Variants in RAB28 observed in about 807,000 individuals in gnomAD.
The protein encoded by RAB28 is ras-related protein Rab-28.
In RAB28, 24 loss-of-function variants were observed where a neutral mutation model predicts 31.7. The observed-to-expected ratio is 0.76, with a 90% CI of 0.55 to 1.06. The LOEUF is 1.06. Ranked by LOEUF, RAB28 falls within the 50% of genes least tolerant of loss-of-function variation. The probability of loss-of-function intolerance (pLI) is 0.00; values close to 1 mark genes in which losing one functional copy is unlikely to be tolerated. For missense variants in RAB28, 254 were observed against 258.5 expected, an observed-to-expected ratio of 0.98 and a Z score of 0.12; for synonymous variants, 100 against 90.4, an observed-to-expected ratio of 1.11 and a Z score of -0.60.
chr4:13,381,705 A>C (rs1408004380), intron 4 of RAB28, 111 bp from the exon 5 acceptor site: 2 of 719,134 alleles, frequency 2.8e-6, no homozygotes, highest in African/African-American at 3.6e-5. Context: ...CTTCGACATC[A>C]GCTGTGCAAC....
chr4:13,413,489 G>A (rs1031863211), intron 4 of RAB28, among the ~76,000 whole-genome samples: 1 of 152,096 alleles, frequency 6.6e-6, no homozygotes, highest in Non-Finnish European at 1.5e-5. Context: ...TTTGTAAAAA[G>A]AAGACTACTC....
intron 4 of RAB28, among the ~76,000 whole-genome samples, chr4:13,456,290 G>A (rs980566743): frequency 4.6e-5 from 7 of 152,192 alleles, no homozygotes; most frequent in African/African-American, 1.7e-4. Flanking sequence ...CTCCAGGAAA[G>A]TTTCACAGAA....
chr4:13,444,077 G>C (rs1053509863), intron 4 of RAB28, among the ~76,000 whole-genome samples: 8 of 151,008 alleles, frequency 5.3e-5, no homozygotes, highest in Non-Finnish European at 1.2e-4. Context: ...ACCCAGGCTG[G>C]AGTGCAGTGG....
At chr4:13,383,118 A>C (rs1729206463) in intron 4 of RAB28, among the ~76,000 whole-genome samples, 1 of 152,158 alleles carries the variant, frequency 6.6e-6, no homozygotes, top group Non-Finnish European at 1.5e-5. Flanking sequence ...ACAGGCATCA[A>C]TTTGTGGAAG....
In RAB28 at chr4:13,411,059, T is replaced by C. The variant is rs191907596; in HGVS notation, c.392-29465A>G. On this transcript the variant is annotated intron_variant, in intron 4 of 6. Coordinates refer to ENST00000330852, the MANE Select transcript of RAB28 (RefSeq NM_001017979.3). The stretch of plus-strand genomic sequence containing the variant: ...AACAACATGATAAATTTCCCAATAC[T>C]CCAAAGAAACAGAGAAAAAAATCCT... Among the ~76,000 whole-genome samples the C allele has an allele frequency of 2.2e-3, 341 of 151,788 alleles. 1 individual carries two copies. The highest frequency in any genetic ancestry group is 3.4e-3 in the Non-Finnish European group (231 of 67,898).
At chr4:13,467,077 GA>G (rs1715885794) in intron 3 of RAB28, among the ~76,000 whole-genome samples, 1 of 151,690 alleles carries the variant, frequency 6.6e-6, no homozygotes, top group South Asian at 2.1e-4. Flanking sequence ...GAGATATAAA[GA>G]TTTTTTTTTG....
At chr4:13,422,235 T>A (rs538392489) in intron 4 of RAB28, among the ~76,000 whole-genome samples, 1 of 151,600 alleles carries the variant, frequency 6.6e-6, no homozygotes, top group Non-Finnish European at 1.5e-5. Flanking sequence ...TGGTGATCAT[T>A]AAAAAGGAAA....
chr4:13,427,331 T>C (rs1000477723), intron 4 of RAB28, among the ~76,000 whole-genome samples: 9 of 152,148 alleles, frequency 5.9e-5, no homozygotes, highest in Non-Finnish European at 1.2e-4. Flanking sequence ...AAATGGCAAA[T>C]TGGACAAAAT....
At chr4:13,450,345 A>T (rs980105368) in intron 4 of RAB28, among the ~76,000 whole-genome samples, 7 of 151,876 alleles carry the variant, frequency 4.6e-5, no homozygotes, top group African/African-American at 1.7e-4. Context: ...ATCTAGTATA[A>T]AACTATGATG....
chr4:13,469,753 G>C (rs1024858584), intron 3 of RAB28, among the ~76,000 whole-genome samples: 2 of 151,978 alleles, frequency 1.3e-5, no homozygotes, highest in Admixed American at 6.6e-5. Context: ...CTGGAACGCA[G>C]TCATGGCTCA....
chr4:13,393,440 T>C (rs1729734260), intron 4 of RAB28, among the ~76,000 whole-genome samples: 1 of 152,196 alleles, frequency 6.6e-6, no homozygotes, highest in Non-Finnish European at 1.5e-5. Flanking sequence ...CATCTACAAG[T>C]TACTCACATA....
chr4:13,442,239 T>A lies in RAB28; in HGVS notation c.391+18460A>T, dbSNP rs370027451. Among the ~76,000 whole-genome samples, 20 of 152,296 alleles carry A rather than the reference T, an allele frequency of 1.3e-4. No homozygotes were observed. In the East Asian group the frequency reaches 3.7e-3, roughly 28 times the overall value. On this transcript the variant is annotated intron_variant, in intron 4 of 6. Coordinates refer to ENST00000330852, the MANE Select transcript of RAB28 (RefSeq NM_001017979.3). The stretch of plus-strand genomic sequence containing the variant: ...TCAGGTACAATTAAGGACTTTCCAT[T>A]TGTTGTAAGAAGAGCTAAGTATGAA...
intron 4 of RAB28, among the ~76,000 whole-genome samples, chr4:13,430,704 T>A (rs1713763233): frequency 6.6e-6 from 1 of 152,096 alleles, no homozygotes; most frequent in African/African-American, 2.4e-5. Flanking sequence ...ATCTCCACCC[T>A]TGAGCCACTG....
rs541788136 is a variant in RAB28 at position 13,465,311 on chromosome 4, G to T, written c.262-4483C>A. 1.1e-4 allele frequency among the ~76,000 whole-genome samples: 16 copies of T among 150,662 alleles called. No homozygotes were observed. The South Asian group carries it at 1.5e-3, about 14-fold the overall frequency. On this transcript the variant is annotated intron_variant, in intron 3 of 6. Transcript: ENST00000330852. ...AAGAATCTCAGAGAACACCAATTTGGATAAATACCAAAAACTCTATACCTA... is the reference window on the plus strand; with the variant it reads ...AAGAATCTCAGAGAACACCAATTTGTATAAATACCAAAAACTCTATACCTA...
chr4:13,454,355 T>C (rs547834440), intron 4 of RAB28, among the ~76,000 whole-genome samples: 58 of 152,342 alleles, frequency 3.8e-4, no homozygotes, highest in African/African-American at 1.3e-3. Flanking sequence ...TTAAAGTCTA[T>C]TACTGAAGTA....
At position 13,444,617 on chromosome 4, in the gene RAB28, C is replaced by T. The variant is rs1267441034; in HGVS notation, c.391+16082G>A. Among the ~76,000 whole-genome samples, 4 of 152,198 alleles carry T rather than the reference C, an allele frequency of 2.6e-5. No homozygotes were observed. The East Asian group carries it at 5.8e-4, about 22-fold the overall frequency. On this transcript the variant is annotated intron_variant, in intron 4 of 6. Transcript: ENST00000330852. ...ATAATGGCTGTACTAATTTACATTT[C>T]GAACAGTATACAAGGGTTCCTTTTT...
intron 4 of RAB28, among the ~76,000 whole-genome samples, chr4:13,422,670 T>C (rs1233624233): frequency 6.6e-6 from 1 of 151,800 alleles, no homozygotes; most frequent in Non-Finnish European, 1.5e-5. Flanking sequence ...AAACACTGCA[T>C]GTGCTCACTC....
chr4:13,420,003 C>G (rs1200934366), intron 4 of RAB28, among the ~76,000 whole-genome samples: 1 of 151,014 alleles, frequency 6.6e-6, no homozygotes, highest in East Asian at 1.9e-4. Flanking sequence ...AATTGATAGA[C>G]CGTTAGCAAG....
At chr4:13,470,910 G>T (rs1280333973) in intron 3 of RAB28, among the ~76,000 whole-genome samples, 1 of 151,966 alleles carries the variant, frequency 6.6e-6, no homozygotes, top group Non-Finnish European at 1.5e-5. Flanking sequence ...TGTTGCTGGG[G>T]GCAAAGGGAC....
Sources: gnomAD v4.1 joint callset for allele counts (sites outside exome capture counted in the v4.1 genomes callset) on GRCh38, gnomAD v4.1.1 for gene constraint, MANE v1.5 for transcripts, NCBI Gene and HGNC (gene_info 2026-07-23, HGNC 2026-07-21) for gene names.